GREM2: variants seen among roughly 807,000 people sequenced by gnomAD.
The protein encoded by GREM2 is gremlin-2.
GREM2 carries 11 observed loss-of-function variants against 14.2 expected under a neutral mutation model. The ratio of observed to expected loss-of-function variants is 0.78; its 90% CI spans 0.49 to 1.28. The LOEUF (loss-of-function observed/expected upper bound fraction) is 1.28. Among genes scored for constraint, GREM2 ranks in the 50% most tolerant of loss-of-function variants. The pLI is 0.00. For missense variants in GREM2, 210 were observed against 218.5 expected (o/e 0.96, Z 0.24); for synonymous variants, 98 against 97.6 (o/e 1.00, Z -0.02).
At chr1:240,574,800 T>C (rs955058784) in intron 1 of GREM2, among the ~76,000 whole-genome samples, 1 of 151,950 alleles carries the variant, frequency 6.6e-6, no homozygotes, top group Non-Finnish European at 1.5e-5. Context: ...GACAGACAAG[T>C]CCAAAATTAA....
At chr1:240,518,566 C>G (rs1678001109) in intron 1 of GREM2, among the ~76,000 whole-genome samples, 2 of 152,076 alleles carry the variant, frequency 1.3e-5, no homozygotes, top group Non-Finnish European at 2.9e-5. Context: ...GTCTGAAAGT[C>G]AAGAGTTAAC....
chr1:240,564,123 C>T (rs1016207441), intron 1 of GREM2, among the ~76,000 whole-genome samples: 2 of 152,084 alleles, frequency 1.3e-5, no homozygotes, highest in African/African-American at 2.4e-5. Flanking sequence ...GCAGGAGGAT[C>T]GCTTGACCCA....
chr1:240,592,890 T>C (rs1027993381), intron 1 of GREM2, among the ~76,000 whole-genome samples: 1 of 151,674 alleles, frequency 6.6e-6, no homozygotes, highest in Admixed American at 6.6e-5. Flanking sequence ...TCCCAGCAGG[T>C]TGGGAAGCCA....
At chr1:240,582,612 A>G (rs1679507822) in intron 1 of GREM2, among the ~76,000 whole-genome samples, 3 of 152,140 alleles carry the variant, frequency 2.0e-5, no homozygotes, top group Admixed American at 6.5e-5. Context: ...CCTGTCCAAC[A>G]TGGTGAAACC....
intron 1 of GREM2, among the ~76,000 whole-genome samples, chr1:240,505,699 T>G (rs549345800): frequency 9.2e-5 from 14 of 151,822 alleles, no homozygotes; most frequent in Non-Finnish European, 2.1e-4. Context: ...GACCACATTA[T>G]TAAAATCAAA....
At chr1:240,570,654 G>A (rs182547374) in intron 1 of GREM2, among the ~76,000 whole-genome samples, 63 of 152,236 alleles carry the variant, frequency 4.1e-4, no homozygotes, top group African/African-American at 1.4e-3. Context: ...TTTTACACAG[G>A]CGGTCTTTAA....
chr1:240,583,019 ATCT>A (rs1373983145), intron 1 of GREM2, among the ~76,000 whole-genome samples: 1 of 152,020 alleles, frequency 6.6e-6, no homozygotes, highest in East Asian at 1.9e-4. Flanking sequence ...TTTTTACCAC[ATCT>A]TCTTATTTTG....
chr1:240,493,560 A>T, intron 1 of GREM2, 84 bp from the exon 2 acceptor site: 1 of 1,412,736 alleles, frequency 7.1e-7, no homozygotes, highest in Non-Finnish European at 9.3e-7. Context: ...TTTATTTTAG[A>T]CATGGTCTGG....
chr1:240,508,149 T>C (rs774968605), intron 1 of GREM2, among the ~76,000 whole-genome samples: 1 of 152,194 alleles, frequency 6.6e-6, no homozygotes, highest in Non-Finnish European at 1.5e-5. Context: ...AATGGAAAAC[T>C]TCATCAGGGT....
At chr1:240,504,008 A>G (rs1248340063) in intron 1 of GREM2, among the ~76,000 whole-genome samples, 1 of 152,230 alleles carries the variant, frequency 6.6e-6, no homozygotes, top group African/African-American at 2.4e-5. Context: ...TTTTACCTAC[A>G]CTAGTATAGA....
intron 1 of GREM2, among the ~76,000 whole-genome samples, chr1:240,573,254 G>A (rs74832576): frequency 0.017 from 2,662 of 152,148 alleles, 92 homozygotes; most frequent in African/African-American, 0.061. Flanking sequence ...CTCGAGCTCA[G>A]GACTTAAGAC....
chr1:240,595,724 G>A (rs980478444), intron 1 of GREM2, among the ~76,000 whole-genome samples: 5 of 152,118 alleles, frequency 3.3e-5, no homozygotes, highest in African/African-American at 1.2e-4. Flanking sequence ...CTTGCTTTTG[G>A]CACTGGAGCT....
At chr1:240,499,566 A>G (rs562715482) in intron 1 of GREM2, among the ~76,000 whole-genome samples, 14 of 152,334 alleles carry the variant, frequency 9.2e-5, no homozygotes, top group South Asian at 2.1e-4. Flanking sequence ...TACTAAAGGC[A>G]CTTCATCGAT....
chr1:240,505,237 C>T (rs1292884496), intron 1 of GREM2, among the ~76,000 whole-genome samples: 4 of 152,138 alleles, frequency 2.6e-5, no homozygotes, highest in African/African-American at 2.4e-5. Flanking sequence ...CAACATCATG[C>T]GTCCTGTGCA....
rs73115505 is a variant in GREM2 at position 240,587,194 on chromosome 1, C to G, written c.-2+24690G>C. ...AGAAGCCTACCACTCAAAGATAACC[C>G]CTGTTAAAACACACACTGTCTATAT... On this transcript the variant is annotated intron_variant, in intron 1 of 1. Coordinates refer to ENST00000318160, the MANE Select transcript of GREM2 (RefSeq NM_022469.4). Among the ~76,000 whole-genome samples the G allele has an allele frequency of 7.3e-3, 1,110 of 152,172 alleles. 10 individuals are homozygous for G. The highest frequency in any genetic ancestry group is 0.026 in the African/African-American group (1,061 of 41,528).
chr1:240,602,182 C>T (rs1406927523), intron 1 of GREM2, among the ~76,000 whole-genome samples: 2 of 152,118 alleles, frequency 1.3e-5, no homozygotes, highest in Non-Finnish European at 2.9e-5. Flanking sequence ...CCCCTAAAAG[C>T]TATTTTCTGT....
Position 240,513,146 on chromosome 1 carries a change from T to G in GREM2, c.-1-19670A>C, listed in dbSNP as rs113778670. Among the ~76,000 whole-genome samples the G allele has an allele frequency of 7.6e-3, 1,159 of 152,170 alleles. 15 individuals carry two copies. Among genetic ancestry groups the G allele is most frequent in the African/African-American group, 0.026 (1,095 of 41,512 alleles). ...GGTGTGGGGTAGGACATAATTAGGT[T>G]GAATGGTTAGGGGGCTTCCCTATGG... On this transcript the variant is annotated intron_variant, in intron 1 of 1. Transcript: ENST00000318160.
chr1:240,536,940 A>G (rs1678485892), intron 1 of GREM2, among the ~76,000 whole-genome samples: 1 of 152,240 alleles, frequency 6.6e-6, no homozygotes, highest in Non-Finnish European at 1.5e-5. Context: ...CAAAGCAAGA[A>G]TACTAAGCAA....
chr1:240,562,953 T>TGTGTGTGA (rs1243406444), intron 1 of GREM2, among the ~76,000 whole-genome samples: 4 of 136,336 alleles, frequency 2.9e-5, no homozygotes, highest in African/African-American at 1.3e-4. Context: ...TGAGTGTGTA[T>TGTGTGTGA]GTGTGTGAGT....
Sources: gnomAD v4.1 joint callset for allele counts (sites outside exome capture counted in the v4.1 genomes callset) on GRCh38, gnomAD v4.1.1 for gene constraint, MANE v1.5 for transcripts, NCBI Gene and HGNC (gene_info 2026-07-23, HGNC 2026-07-21) for gene names.